The following SLC25A48 variants were observed in gnomAD, a reference collection of about 807,000 sequenced individuals.
SLC25A48 encodes the protein CTC-321K16.1.
SLC25A48 carries 29 observed loss-of-function variants against 32.2 expected under a neutral mutation model. The observed-to-expected ratio is 0.90, with a 90% CI of 0.67 to 1.23. The LOEUF (loss-of-function observed/expected upper bound fraction) is 1.23. Ranked by LOEUF, SLC25A48 falls within the 50% of genes most tolerant of loss-of-function variation. SLC25A48 has a pLI of 0.00. For synonymous variants in SLC25A48, 164 were observed against 172.3 expected (o/e 0.95, Z 0.38); for missense variants, 399 against 422.7 (o/e 0.94, Z 0.49).
chr5:135,811,294 T>C (rs1757585574), intron 3 of SLC25A48, among the ~76,000 whole-genome samples: 1 of 152,184 alleles, frequency 6.6e-6, no homozygotes, highest in African/African-American at 2.4e-5. Context: ...ACAGGACATT[T>C]TATAAAGTGA....
intron 6 of SLC25A48, among the ~76,000 whole-genome samples, chr5:135,878,701 G>A (rs781534473): frequency 2.0e-5 from 3 of 152,164 alleles, no homozygotes; most frequent in African/African-American, 7.2e-5. Flanking sequence ...AAAAGGGTTG[G>A]TTTCTACCTT....
chr5:135,835,132 A>G, intron 1 of SLC25A48: 1 of 698,276 alleles, frequency 1.4e-6, no homozygotes, highest in Non-Finnish European at 2.6e-6. Context: ...TTAAGTTAGG[A>G]TCCGTGGGAC....
chr5:135,701,343 G>GT (rs1308553146), intron 3 of SLC25A48, among the ~76,000 whole-genome samples: 3 of 152,212 alleles, frequency 2.0e-5, no homozygotes, highest in South Asian at 2.1e-4. Flanking sequence ...CATCTTGGGA[G>GT]TTTTTTTCTG....
chr5:135,715,514 T>C (rs1216669554), intron 3 of SLC25A48, among the ~76,000 whole-genome samples: 1 of 152,202 alleles, frequency 6.6e-6, no homozygotes, highest in Non-Finnish European at 1.5e-5. Flanking sequence ...TTGTGGGCTA[T>C]TACAGACACT....
At chr5:135,871,291 G>T (rs890995592) in intron 4 of SLC25A48, among the ~76,000 whole-genome samples, 170 bp from the exon 5 acceptor site, 3 of 152,224 alleles carry the variant, frequency 2.0e-5, no homozygotes, top group African/African-American at 7.2e-5. Flanking sequence ...AGGGGCTCTT[G>T]TTGGGACCTC....
At chr5:135,585,883 C>T (rs1246925937) in intron 1 of SLC25A48, among the ~76,000 whole-genome samples, 1 of 152,066 alleles carries the variant, frequency 6.6e-6, no homozygotes, top group Non-Finnish European at 1.5e-5. Flanking sequence ...AATGTTCATT[C>T]TTGTTTTATG....
chr5:135,854,162 C>A (rs1316971900), intron 4 of SLC25A48, among the ~76,000 whole-genome samples: 1 of 152,220 alleles, frequency 6.6e-6, no homozygotes. Flanking sequence ...TTTTCTAGAA[C>A]ACACAGAGCA....
At chr5:135,631,172 G>A (rs187171526) in intron 2 of SLC25A48, among the ~76,000 whole-genome samples, 1 of 152,340 alleles carries the variant, frequency 6.6e-6, no homozygotes, top group African/African-American at 2.4e-5. Flanking sequence ...CAGCTGGGCT[G>A]AGCGTGGGGT....
intron 3 of SLC25A48, among the ~76,000 whole-genome samples, chr5:135,711,484 T>G (rs1754661748): frequency 6.6e-6 from 1 of 152,176 alleles, no homozygotes; most frequent in Non-Finnish European, 1.5e-5. Flanking sequence ...CACAAGTTGC[T>G]TTTGGCCTCA....
At chr5:135,767,192 C>CA (rs1554073149) in intron 3 of SLC25A48, among the ~76,000 whole-genome samples, 1 of 136,610 alleles carries the variant, frequency 7.3e-6, no homozygotes, top group Non-Finnish European at 1.6e-5. Flanking sequence ...GGTACACCCC[C>CA]CCCCCGTGAT....
rs533806020 is a variant in SLC25A48 at position 135,665,920 on chromosome 5, C to T, written c.-521+30964C>T. Among the ~76,000 whole-genome samples, 67 of 152,306 alleles carry T rather than the reference C, an allele frequency of 4.4e-4. 1 individual carries two copies. Among genetic ancestry groups the T allele is most frequent in the African/African-American group, 1.5e-3 (63 of 41,556 alleles). On this transcript the variant is annotated intron_variant, in intron 3 of 10. Transcript: ENST00000646290. The stretch of plus-strand genomic sequence containing the variant: ...TCATGGGACCTTTCATAGCTCTGCT[C>T]TGTAGAATACTTATTTGGGTACTTT...
At chr5:135,743,129 A>G (rs1755549241) in intron 3 of SLC25A48, among the ~76,000 whole-genome samples, 1 of 116,966 alleles carries the variant, frequency 8.5e-6, no homozygotes. Flanking sequence ...GCTGGAGTAC[A>G]GTGGCATGAT....
intron 3 of SLC25A48, among the ~76,000 whole-genome samples, chr5:135,734,834 A>AAAG (rs35822813): frequency 1.4e-5 from 2 of 140,902 alleles, no homozygotes; most frequent in African/African-American, 5.3e-5. Flanking sequence ...AAAAAAAAAA[A>AAAG]AAGAAGAAGA....
chr5:135,857,873 C>T (rs1174157957), intron 4 of SLC25A48, among the ~76,000 whole-genome samples: 1 of 152,058 alleles, frequency 6.6e-6, no homozygotes, highest in African/African-American at 2.4e-5. Flanking sequence ...TCAGATCTCT[C>T]ATCAGGGAAG....
intron 3 of SLC25A48, among the ~76,000 whole-genome samples, chr5:135,665,202 G>A (rs1009966690): frequency 1.3e-5 from 2 of 151,960 alleles, no homozygotes; most frequent in East Asian, 1.9e-4. Flanking sequence ...TTTCATGTTT[G>A]TTGGCTATTT....
intron 7 of SLC25A48, among the ~76,000 whole-genome samples, chr5:135,881,541 C>T (rs773318817): frequency 4.5e-4 from 68 of 152,244 alleles, no homozygotes; most frequent in Non-Finnish European, 8.5e-4. Context: ...GGTAGCAACA[C>T]AGTTTACATA....
intron 3 of SLC25A48, among the ~76,000 whole-genome samples, chr5:135,752,918 C>A (rs1254882245): frequency 2.0e-5 from 3 of 151,784 alleles, no homozygotes; most frequent in African/African-American, 4.8e-5. Context: ...TGGTGTACAC[C>A]CCCTGTGATA....
intron 3 of SLC25A48, among the ~76,000 whole-genome samples, chr5:135,648,378 C>T (rs1753022097): frequency 6.6e-6 from 1 of 152,230 alleles, no homozygotes; most frequent in South Asian, 2.1e-4. Flanking sequence ...AGAAAGTGCA[C>T]TTAATGTACA....
At chr5:135,756,277 A>G (rs1456202963) in intron 3 of SLC25A48, among the ~76,000 whole-genome samples, 1 of 144,224 alleles carries the variant, frequency 6.9e-6, no homozygotes, top group Non-Finnish European at 1.6e-5. Flanking sequence ...CTATGATATT[A>G]AGAAAAATAT....
Sources: gnomAD v4.1 joint callset for allele counts (sites outside exome capture counted in the v4.1 genomes callset) on GRCh38, gnomAD v4.1.1 for gene constraint, MANE v1.5 for transcripts, NCBI Gene and HGNC (gene_info 2026-07-23, HGNC 2026-07-21) for gene names.